Variants in CDH7 observed in about 807,000 individuals in gnomAD.
CDH7 encodes cadherin-7.
In CDH7, 25 loss-of-function variants were observed where a neutral mutation model predicts 71.8. The observed-to-expected ratio is 0.35, with a 90% CI of 0.25 to 0.49. CDH7 has a LOEUF of 0.49. CDH7 is among the 20% of genes least tolerant of loss of function. The probability of loss-of-function intolerance (pLI) is 0.99; values close to 1 mark genes in which losing one functional copy is unlikely to be tolerated. For synonymous variants in CDH7, 381 were observed against 363.8 expected (o/e 1.05, Z -0.54); for missense variants, 862 against 974.6 (o/e 0.88, Z 1.54).
chr18:65,790,923 G>A (rs117265952), intron 2 of CDH7, among the ~76,000 whole-genome samples: 1 of 152,218 alleles, frequency 6.6e-6, no homozygotes, highest in East Asian at 1.9e-4. Flanking sequence ...GTTTAAAATG[G>A]ACCCACTAAA....
chr18:65,787,430 T>C (rs774475536), intron 2 of CDH7, among the ~76,000 whole-genome samples: 8 of 152,172 alleles, frequency 5.3e-5, no homozygotes, highest in Non-Finnish European at 1.0e-4. Flanking sequence ...GTTTGCCACT[T>C]ATTCTACAAG....
chr18:65,837,393 A>G (rs957312120), intron 6 of CDH7, among the ~76,000 whole-genome samples: 4 of 152,158 alleles, frequency 2.6e-5, no homozygotes, highest in African/African-American at 7.2e-5. Flanking sequence ...CCAATAGGAA[A>G]GTAAATGTTC....
At chr18:65,870,701 C>T (rs12606480) in intron 11 of CDH7, among the ~76,000 whole-genome samples, 81,374 of 152,036 alleles carry the variant, frequency 0.54, 25,620 homozygotes, top group East Asian at 0.92. Context: ...TTTAGATTAT[C>T]TTTAATGCCT....
chr18:65,851,406 A>T (rs1913146030), intron 7 of CDH7, among the ~76,000 whole-genome samples: 4 of 152,132 alleles, frequency 2.6e-5, no homozygotes, highest in Admixed American at 2.6e-4. Flanking sequence ...GGGAGTACTG[A>T]TGATATATTT....
intron 6 of CDH7, among the ~76,000 whole-genome samples, chr18:65,826,953 T>G (rs1459330238): frequency 6.6e-6 from 1 of 151,578 alleles, no homozygotes; most frequent in Non-Finnish European, 1.5e-5. Context: ...AAATTATGAT[T>G]AAAAATGATT....
chr18:65,881,595 G>A lies in CDH7; in HGVS notation c.*701G>A, dbSNP rs1231411949. On this transcript the variant is annotated 3_prime_UTR_variant, in exon 12 of 12. Coordinates refer to ENST00000397968, the MANE Select transcript of CDH7 (RefSeq NM_004361.5). ...AATTTGATAGTTTTGAGATGCTTGT[G>A]TAGGTATGATAAAAAAAAAAGTTGC... 6.6e-6 allele frequency: 1 copy of A among 151,948 alleles called. No individual in the cohort carries two copies. The highest frequency in any genetic ancestry group is 2.4e-5 in the African/African-American group (1 of 41,344). The allele number at this position is 151,948 out of a possible 1,614,324, so 9.4% of individuals were successfully genotyped here. A position where few individuals can be genotyped will look rare whatever the true frequency, so the allele number is the denominator to read the frequency against.
chr18:65,876,700 C>A (rs1484155807), intron 11 of CDH7, among the ~76,000 whole-genome samples: 7 of 152,110 alleles, frequency 4.6e-5, no homozygotes, highest in Admixed American at 2.6e-4. Context: ...TATTACAATT[C>A]TACTTTTACA....
At chr18:65,842,741 C>T (rs1250601247) in intron 6 of CDH7, among the ~76,000 whole-genome samples, 1 of 152,018 alleles carries the variant, frequency 6.6e-6, no homozygotes, top group Non-Finnish European at 1.5e-5. Flanking sequence ...GTGAATGAAT[C>T]TGAATTACAA....
At chr18:65,780,954 A>T (rs1293292980) in intron 2 of CDH7, among the ~76,000 whole-genome samples, 2 of 91,198 alleles carry the variant, frequency 2.2e-5, no homozygotes, top group Non-Finnish European at 2.3e-5. Flanking sequence ...AAATAGGAGG[A>T]TTTTTCTGTC....
chr18:65,799,531 C>A (rs1215608328), intron 2 of CDH7, among the ~76,000 whole-genome samples: 3 of 152,066 alleles, frequency 2.0e-5, no homozygotes, highest in Non-Finnish European at 4.4e-5. Context: ...CAAAAATTAG[C>A]CGGGCATGGT....
At chr18:65,818,331 C>T (rs1400575427) in intron 4 of CDH7, among the ~76,000 whole-genome samples, 1 of 152,086 alleles carries the variant, frequency 6.6e-6, no homozygotes, top group African/African-American at 2.4e-5. Flanking sequence ...TGGTGAATTG[C>T]TCCAACAGGA....
At chr18:65,828,684 C>T (rs983556853) in intron 6 of CDH7, among the ~76,000 whole-genome samples, 4 of 151,230 alleles carry the variant, frequency 2.6e-5, no homozygotes, top group African/African-American at 9.7e-5. Flanking sequence ...TCTCCTAACC[C>T]CTATGTTTTT....
intron 6 of CDH7, among the ~76,000 whole-genome samples, chr18:65,829,569 A>G (rs975526900): frequency 3.3e-5 from 5 of 151,830 alleles, no homozygotes; most frequent in Non-Finnish European, 7.4e-5. Context: ...TCACTAAACT[A>G]CTTGTAATTC....
chr18:65,873,804 C>A (rs1259247147), intron 11 of CDH7, among the ~76,000 whole-genome samples: 2 of 152,146 alleles, frequency 1.3e-5, no homozygotes, highest in African/African-American at 4.8e-5. Flanking sequence ...CAAATGTCAT[C>A]TCTTATGTTG....
chr18:65,829,491 G>T (rs1452594999), intron 6 of CDH7, among the ~76,000 whole-genome samples: 2 of 150,822 alleles, frequency 1.3e-5, no homozygotes, highest in Admixed American at 1.3e-4. Flanking sequence ...AACTTGTGGT[G>T]CTTCAGACTC....
rs1568182308 is a variant in CDH7, at chr18:65,782,061, C to CT, written c.210+19009_210+19010insT. ...TCCTTCCTTCCTTCCTTCCTTCCTT[C>CT]CTTTCTTTCTTTCTTTCTTTCCTTC... On this transcript the variant is annotated intron_variant, in intron 2 of 11. Coordinates refer to ENST00000397968, the MANE Select transcript of CDH7 (RefSeq NM_004361.5). 6.5e-4 allele frequency among the ~76,000 whole-genome samples: 25 copies of CT among 38,260 alleles called. 5 individuals carry two copies. Among genetic ancestry groups the CT allele is most frequent in the African/African-American group, 1.7e-3 (7 of 4,124 alleles). The allele number at this position is 38,260 out of a possible 152,430, so 25.1% of individuals were successfully genotyped here.
At chr18:65,810,787 A>G (rs1911506091) in intron 3 of CDH7, among the ~76,000 whole-genome samples, 2 of 152,150 alleles carry the variant, frequency 1.3e-5, no homozygotes. Flanking sequence ...AATTTCTCCA[A>G]AAACTTAAAT....
rs1189051219 is a variant in CDH7, at chr18:65,880,546, A to G, written c.2010A>G (p.Ala670=). Residue 670 remains alanine, a synonymous_variant, in exon 12 of 12, where the codon GCA becomes GCG. Transcript: ENST00000397968. The part of the protein sequence containing the change: ...EEDTEAFDMA[A]LRNLNVIRDT... The stretch of plus-strand genomic sequence containing the variant: ...ACACGGAAGCGTTTGACATGGCTGC[A>G]CTGAGAAACCTCAACGTCATCCGAG... The G allele has an allele frequency of 6.2e-7, 1 of 1,613,830 alleles. No homozygotes were observed. The highest frequency in any genetic ancestry group is 8.5e-7 in the Non-Finnish European group (1 of 1,179,986).
chr18:65,850,244 T>C (rs981292593), intron 7 of CDH7, among the ~76,000 whole-genome samples: 1 of 149,494 alleles, frequency 6.7e-6, no homozygotes, highest in Non-Finnish European at 1.5e-5. Flanking sequence ...AATTCAATGT[T>C]CTTGGTGTAA....
Sources: gnomAD v4.1 joint callset for allele counts (sites outside exome capture counted in the v4.1 genomes callset) on GRCh38, gnomAD v4.1.1 for gene constraint, MANE v1.5 for transcripts, NCBI Gene and HGNC (gene_info 2026-07-23, HGNC 2026-07-21) for gene names.